FLNC: variants seen among roughly 807,000 people sequenced by gnomAD.
FLNC encodes filamin C.
In FLNC, 91 loss-of-function variants were observed where a neutral mutation model predicts 254.3. The observed-to-expected ratio is 0.36, with a 90% CI of 0.30 to 0.43. FLNC has a LOEUF of 0.43. Among genes scored for constraint, FLNC ranks in the 20% least tolerant of loss-of-function variants. The probability of loss-of-function intolerance (pLI) is 1.00; values close to 1 mark genes in which losing one functional copy is unlikely to be tolerated. For synonymous variants in FLNC, 1,430 were observed against 1,577.2 expected, an observed-to-expected ratio of 0.91 and a Z score of 2.21; for missense variants, 2,853 against 3,802.6, an observed-to-expected ratio of 0.75 and a Z score of 6.57.
rs1808255599 is a variant in FLNC, at chr7:128,839,881, T to C, written c.1412-142T>C. 3.7e-6 allele frequency: 4 copies of C among 1,071,736 alleles called. No individual in the cohort carries two copies. In the Admixed American group the frequency reaches 8.1e-5, roughly 22 times the overall value. The allele number at this position is 1,071,736 out of a possible 1,614,324, so 66.4% of individuals were successfully genotyped here. A position where few individuals can be genotyped will look rare whatever the true frequency, so the allele number is the denominator to read the frequency against. On this transcript the variant is annotated intron_variant, in intron 8 of 47. Transcript: ENST00000325888. ...TCCAGCCCGGCAGCCCCGGTTGTGC[T>C]GGGGACACAAAGGGCTCCAGAGCAG...
Position 128,842,549 on chromosome 7 carries a change from A to C in FLNC, c.2266-26A>C. On this transcript the variant is annotated intron_variant, in intron 14 of 47. Transcript: ENST00000325888. This position sits in a 1 kb window ranked among gnomAD's most constrained non-coding sequence, Gnocchi z 5.4. Reference sequence around the variant, plus strand: ...AGGATGAGCCTTGAGGGAGGGCACCACGCTGAGCTGCGACCCCTCCCGCAG... The same window carrying C: ...AGGATGAGCCTTGAGGGAGGGCACCCCGCTGAGCTGCGACCCCTCCCGCAG... 6.5e-7 allele frequency: 1 copy of C among 1,548,596 alleles called. No individual in the cohort carries two copies. Among genetic ancestry groups the C allele is most frequent in the Non-Finnish European group, 8.7e-7 (1 of 1,146,646 alleles).
Position 128,838,749 on chromosome 7 carries a change from G to A in FLNC, c.1357G>A (p.Ala453Thr). ...GGAGGGGCCACATACCGTGCATGTG[G>A]CCTTTGCGGGTGCCCCCATCACCCG... Reference protein sequence around the residue: ...AMEGPHTVHVAFAGAPITRSP... With the variant: ...AMEGPHTVHVTFAGAPITRSP... The change falls in exon 8 of 48, where the codon GCC (alanine) becomes ACC (threonine). Residue 453 changes from alanine to threonine, a missense_variant. Ala to Thr is a moderately conservative substitution (Grantham distance 58). This residue lies in a region of FLNC where 1,573 missense variants were observed against 1,883.5 expected (regional missense o/e 0.84). Transcript: ENST00000325888. The A allele has an allele frequency of 1.9e-6, 3 of 1,613,034 alleles. No individual in the cohort carries two copies. Among genetic ancestry groups the A allele is most frequent in the Non-Finnish European group, 2.5e-6 (3 of 1,180,004 alleles).
At position 128,847,615 on chromosome 7, in the gene FLNC, A is replaced by G. The variant is rs1808614984; in HGVS notation, c.4289-82A>G. On this transcript the variant is annotated intron_variant, in intron 24 of 47. Transcript: ENST00000325888. ...CCTGTGGGCATTTCAAAGGCAGGGA[A>G]GGCCTCCTCCTCCGAGGCTCCTCAG... 2.6e-6 allele frequency: 4 copies of G among 1,540,876 alleles called. No individual in the cohort carries two copies. The South Asian group carries it at 3.4e-5, about 13-fold the overall frequency.
chr7:128,844,725 C>G lies in FLNC; in HGVS notation c.3260C>G (p.Thr1087Ser), dbSNP rs372205719. The change falls in exon 21 of 48, where the codon ACC becomes AGC. Residue 1087 changes from threonine to serine, a missense_variant. This residue lies in a region of FLNC where 1,573 missense variants were observed against 1,883.5 expected (regional missense o/e 0.84). Transcript: ENST00000325888. ...ACCCCCGCGCCATTCTCCATCGACA[C>G]CAAGGGGGCTGGCACAGGTGGCCTG... ...VGTPAPFSID[T>S]KGAGTGGLGL... is the part of the protein sequence containing the mutation. The G allele has an allele frequency of 3.7e-6, 6 of 1,613,782 alleles. No homozygotes were observed. The African/African-American group carries it at 8.0e-5, about 22-fold the overall frequency.
Position 128,830,875 on chromosome 7 carries a change from A to G in FLNC, c.238A>G (p.Lys80Glu), listed in dbSNP as rs780180125. Residue 80 changes from lysine (K) to glutamate (E), a missense_variant, in exon 1 of 48, where the codon AAG becomes GAG. This residue lies in a region of FLNC where 59 missense variants were observed against 59.8 expected (regional missense o/e 0.99). Coordinates refer to ENST00000325888, the MANE Select transcript of FLNC (RefSeq NM_001458.5). Reference protein sequence around the residue: ...LIALLEVLSQKRMYRKFHPRP... With the variant: ...LIALLEVLSQERMYRKFHPRP... ...CGCGCTGCTCGAGGTGCTCAGCCAGAAGCGCATGTACCGCAAGTTCCATCC... is the reference window on the plus strand; with the variant it reads ...CGCGCTGCTCGAGGTGCTCAGCCAGGAGCGCATGTACCGCAAGTTCCATCC... 6.2e-7 allele frequency: 1 copy of G among 1,613,214 alleles called. No homozygotes were observed. Among genetic ancestry groups the G allele is most frequent in the Non-Finnish European group, 8.5e-7 (1 of 1,179,974 alleles).
chr7:128,855,326 G>A lies in FLNC; in HGVS notation c.7251+12G>A. On this transcript the variant is annotated intron_variant, in intron 43 of 47. Transcript: ENST00000325888. ...TCACCAGCCTCCAGGTTTGTGCCCAGGGTGGGGGTGGAGGGTTTCTGCTAT... is the reference window on the plus strand; with the variant it reads ...TCACCAGCCTCCAGGTTTGTGCCCAAGGTGGGGGTGGAGGGTTTCTGCTAT... 1.3e-6 allele frequency: 2 copies of A among 1,548,016 alleles called. No individual in the cohort carries two copies. Among genetic ancestry groups the A allele is most frequent in the Non-Finnish European group, 1.8e-6 (2 of 1,121,324 alleles).
intron 6 of FLNC, 99 bp from the exon 7 acceptor site, chr7:128,838,168 A>G: frequency 6.7e-7 from 1 of 1,496,132 alleles, no homozygotes; most frequent in Non-Finnish European, 9.3e-7. Flanking sequence ...CCAGAGCCCC[A>G]GCTGCCCGCC....
At chr7:128,831,019 T>C in intron 1 of FLNC, 30 bp downstream of exon 1, 1 of 1,595,354 alleles carries the variant, frequency 6.3e-7, no homozygotes, top group Non-Finnish European at 8.5e-7. Context: ...GCACGGGCGC[T>C]GCGGGGATAG....
rs760535041 is a variant in FLNC, at chr7:128,854,079, G to A, written c.6590G>A (p.Arg2197Gln). 8.1e-6 allele frequency: 13 copies of A among 1,613,056 alleles called. No homozygotes were observed. Among genetic ancestry groups the A allele is most frequent in the Non-Finnish European group, 1.0e-5 (12 of 1,179,990 alleles). ...RTERTEISKT[R>Q]GGETKREVRV... The stretch of plus-strand genomic sequence containing the variant: ...GAGCGCACGGAGATCAGCAAGACGC[G>A]GGGCGGGGAGACAAAGCGCGAGGTG... The change falls in exon 40 of 48, where the codon CGG becomes CAG. Residue 2197 changes from arginine to glutamine, a missense_variant. By Grantham distance (43) the Arg-to-Gln change is conservative (BLOSUM62 1). This residue lies in a region of FLNC where 551 missense variants were observed against 835.0 expected (regional missense o/e 0.66). Coordinates refer to ENST00000325888, the MANE Select transcript of FLNC (RefSeq NM_001458.5).
At position 128,858,574 on chromosome 7, in the gene FLNC, A is replaced by G. The variant is rs757896616; in HGVS notation, c.*51A>G. ...AGCCCCCACCTCCAGCCACACACAC[A>G]TTACACACACACACACACACACACA... On this transcript the variant is annotated 3_prime_UTR_variant, in exon 48 of 48. Coordinates refer to ENST00000325888, the MANE Select transcript of FLNC (RefSeq NM_001458.5). The surrounding 1 kb of genome is among the most constrained non-coding windows in gnomAD (Gnocchi z 6.7). 34 of 1,210,108 alleles carry G rather than the reference A, an allele frequency of 2.8e-5. No homozygotes were observed. Among genetic ancestry groups the G allele is most frequent in the Middle Eastern group, 2.5e-4 (1 of 3,990 alleles). The allele number at this position is 1,210,108 out of a possible 1,614,324, so 75.0% of individuals were successfully genotyped here.
At position 128,830,992 on chromosome 7, in the gene FLNC, C is replaced by T. The variant is rs750255204; in HGVS notation, c.352+3C>T. 2 of 1,605,666 alleles carry T rather than the reference C, an allele frequency of 1.2e-6. No individual in the cohort carries two copies. The highest frequency in any genetic ancestry group is 2.2e-5 in the East Asian group (1 of 44,860). On this transcript the variant is annotated splice_donor_region_variant and intron_variant, in intron 1 of 47. Coordinates refer to ENST00000325888, the MANE Select transcript of FLNC (RefSeq NM_001458.5). The stretch of plus-strand genomic sequence containing the variant: ...GCACATCAAGCTCGTGTCCATAGGT[C>T]AGTGCCGGGGGCGAGGGCACGGGCG...
chr7:128,851,675 G>A (rs368312606), intron 35 of FLNC, 47 bp downstream of exon 35: 15 of 1,588,402 alleles, frequency 9.4e-6, no homozygotes, highest in South Asian at 2.2e-5. Context: ...CACACACACC[G>A]CATACAGTGC....
intron 1 of FLNC, among the ~76,000 whole-genome samples, chr7:128,831,520 A>G (rs553410761): frequency 6.6e-6 from 1 of 152,244 alleles, no homozygotes; most frequent in South Asian, 2.1e-4. Flanking sequence ...CTCTTCGTGC[A>G]TGTGCTCAGC....
At chr7:128,849,151 G>T in intron 28 of FLNC, 30 bp from the exon 29 acceptor site, 1 of 1,481,578 alleles carries the variant, frequency 6.7e-7, no homozygotes, top group South Asian at 1.1e-5. Flanking sequence ...GTTGAGCACC[G>T]CCTGGCCTCA....
In FLNC at chr7:128,854,134, G is replaced by T; in HGVS notation, c.6645G>T (p.Gly2215=). 1.2e-6 allele frequency: 2 copies of T among 1,612,702 alleles called. No individual in the cohort carries two copies. The highest frequency in any genetic ancestry group is 1.7e-6 in the Non-Finnish European group (2 of 1,179,862). ...TGGAGGAGTCCACCCAGGTCGGCGGGGACCCCTTCCCTGCTGTGTTTGGGG... is the reference window on the plus strand; with the variant it reads ...TGGAGGAGTCCACCCAGGTCGGCGGTGACCCCTTCCCTGCTGTGTTTGGGG... ...VRVEESTQVG[G]DPFPAVFGDF... is the part of the protein sequence containing the mutation. The change falls in exon 40 of 48, where the codon GGG becomes GGT. Residue 2215 remains glycine, a synonymous_variant. Coordinates refer to ENST00000325888, the MANE Select transcript of FLNC (RefSeq NM_001458.5).
chr7:128,855,375 G>A, intron 43 of FLNC, 61 bp downstream of exon 43: 3 of 1,090,772 alleles, frequency 2.8e-6, no homozygotes, highest in South Asian at 2.5e-5. Context: ...AGGAGTTGAG[G>A]ACAGCAGGTC....
chr7:128,856,982 G>GCTGCTTTGCTCCAGAGGTAGGGGCC lies in FLNC; in HGVS notation c.7561+68_7561+92dup, dbSNP rs1263152429. On this transcript the variant is annotated intron_variant, in intron 45 of 47. Coordinates refer to ENST00000325888, the MANE Select transcript of FLNC (RefSeq NM_001458.5). This position sits in a 1 kb window ranked among gnomAD's most constrained non-coding sequence, Gnocchi z 5.9. Reference sequence around the variant, plus strand: ...GGGGGTGCTTGGCCACTAGTCTGGTGCTGCTTTGCTCCAGAGGTAGGGGCC... The same window carrying GCTGCTTTGCTCCAGAGGTAGGGGCC: ...GGGGGTGCTTGGCCACTAGTCTGGTGCTGCTTTGCTCCAGAGGTAGGGGCCCTGCTTTGCTCCAGAGGTAGGGGCC... The GCTGCTTTGCTCCAGAGGTAGGGGCC allele has an allele frequency of 1.9e-6, 3 of 1,593,594 alleles. No individual in the cohort carries two copies. In the African/African-American group the frequency reaches 4.0e-5, roughly 21 times the overall value.
At position 128,852,486 on chromosome 7, in the gene FLNC, G is replaced by A. The variant is rs565119988; in HGVS notation, c.5843-105G>A. The A allele has an allele frequency of 5.7e-4, 747 of 1,321,024 alleles. 2 individuals carry two copies. The highest frequency in any genetic ancestry group is 2.9e-3 in the East Asian group (125 of 43,138). 81.8% of individuals were successfully genotyped at this position (1,321,024 alleles called of 1,614,324 possible). On this transcript the variant is annotated intron_variant, in intron 35 of 47. Coordinates refer to ENST00000325888, the MANE Select transcript of FLNC (RefSeq NM_001458.5). ...TCCGTGCACCTGGGAGTGGCCCCCC[G>A]TGTCTGTTGAGTCCAGGGGGGGCTG...
At chr7:128,831,677 C>T (rs1331084783) in intron 1 of FLNC, among the ~76,000 whole-genome samples, 1 of 152,246 alleles carries the variant, frequency 6.6e-6, no homozygotes, top group African/African-American at 2.4e-5. Context: ...AAGTCCAGGC[C>T]CTGCCCCAGC....
Sources: allele counts gnomAD v4.1 joint callset (sites outside exome capture counted in the v4.1 genomes callset), GRCh38; gene constraint gnomAD v4.1.1; regional missense constraint gnomAD v4.1.1; non-coding constraint Gnocchi (gnomAD v3.1); transcripts MANE v1.5; gene names NCBI Gene and HGNC (gene_info 2026-07-23, HGNC 2026-07-21).